The following NDUFA5 variants were observed in gnomAD, a reference collection of about 807,000 sequenced individuals.
NDUFA5 encodes NADH dehydrogenase [ubiquinone] 1 alpha subcomplex subunit 5.
NDUFA5 carries 11 observed loss-of-function variants against 19.8 expected under a neutral mutation model. That is an observed-to-expected ratio of 0.56 (90% CI 0.35 to 0.92). The LOEUF (loss-of-function observed/expected upper bound fraction) is 0.92, where lower values mean the gene tolerates loss of function less well. Ranked by LOEUF, NDUFA5 falls within the 40% of genes least tolerant of loss-of-function variation. The pLI is 0.01. For missense variants in NDUFA5, 109 were observed against 134.2 expected, an observed-to-expected ratio of 0.81 and a Z score of 0.93; for synonymous variants, 47 against 46.8, an observed-to-expected ratio of 1.00 and a Z score of -0.01.
chr7:123,545,011 G>T (rs1396300314), intron 4 of NDUFA5, among the ~76,000 whole-genome samples: 2 of 151,702 alleles, frequency 1.3e-5, no homozygotes, highest in African/African-American at 4.8e-5. Flanking sequence ...TTTCCCAATA[G>T]AATAATTTAA....
chr7:123,561,270 T>A (rs1367213964), upstream of NDUFA5, among the ~76,000 whole-genome samples: 1 of 152,234 alleles, frequency 6.6e-6, no homozygotes, highest in Non-Finnish European at 1.5e-5. Flanking sequence ...CTGCTGCTGC[T>A]TTATCAACCA....
the NDUFA5 span, among the ~76,000 whole-genome samples, chr7:123,570,563 G>A: frequency 0.16 from 23,759 of 152,056 alleles, 2,031 homozygotes; most frequent in African/African-American, 0.21. Flanking sequence ...GGCTTCTGAC[G>A]TCCTCACTCA....
chr7:123,547,096 C>G (rs896621253), intron 3 of NDUFA5, among the ~76,000 whole-genome samples: 2 of 152,136 alleles, frequency 1.3e-5, no homozygotes, highest in East Asian at 3.9e-4. Flanking sequence ...CCACCAGAAG[C>G]TGAAAGAGGC....
At chr7:123,546,672 C>T in intron 3 of NDUFA5, 1 of 1,286,642 alleles carries the variant, frequency 7.8e-7, no homozygotes, top group Non-Finnish European at 1.0e-6. Context: ...TGCTTTTCAA[C>T]ACAAGACGTG....
At chr7:123,594,855 T>A in the NDUFA5 span, among the ~76,000 whole-genome samples, 1 of 152,208 alleles carries the variant, frequency 6.6e-6, no homozygotes, top group Admixed American at 6.5e-5. Context: ...GCAGAAGCTG[T>A]CTGCTGCCTT....
chr7:123,587,995 T>C, the NDUFA5 span, among the ~76,000 whole-genome samples: 1 of 151,844 alleles, frequency 6.6e-6, no homozygotes, highest in Admixed American at 6.6e-5. Context: ...CATGTAATTT[T>C]CTTTCTTATG....
the NDUFA5 span, among the ~76,000 whole-genome samples, chr7:123,583,724 T>C: frequency 6.6e-6 from 1 of 151,922 alleles, no homozygotes; most frequent in Non-Finnish European, 1.5e-5. Context: ...CTTCTGATCC[T>C]TAAGCATAAG....
chr7:123,556,843 C>T (rs776500429), intron 2 of NDUFA5: 6 of 510,866 alleles, frequency 1.2e-5, no homozygotes, highest in South Asian at 5.7e-5. Flanking sequence ...TGACTGAGTG[C>T]ATTCAAGGGT....
the NDUFA5 span, among the ~76,000 whole-genome samples, chr7:123,579,679 G>A: frequency 5.3e-5 from 8 of 152,044 alleles, no homozygotes; most frequent in East Asian, 3.9e-4. Flanking sequence ...GCTCCTGGGA[G>A]TTGAGTTAAT....
chr7:123,600,952 T>G, the NDUFA5 span, among the ~76,000 whole-genome samples: 5 of 152,038 alleles, frequency 3.3e-5, no homozygotes, highest in African/African-American at 1.2e-4. Flanking sequence ...GCAAATCCAA[T>G]GAGGGTTTGT....
the NDUFA5 span, among the ~76,000 whole-genome samples, chr7:123,594,429 G>C: frequency 6.6e-6 from 1 of 152,074 alleles, no homozygotes; most frequent in Non-Finnish European, 1.5e-5. Context: ...ATTTGCCTTT[G>C]GTCTTTGTTG....
the NDUFA5 span, among the ~76,000 whole-genome samples, chr7:123,569,196 C>T: frequency 6.6e-6 from 1 of 152,070 alleles, no homozygotes; most frequent in Non-Finnish European, 1.5e-5. Flanking sequence ...GTCCGGTGGT[C>T]ATGCTAAAGA....
upstream of NDUFA5, among the ~76,000 whole-genome samples, chr7:123,559,384 C>A (rs1239602638): frequency 6.7e-6 from 1 of 149,650 alleles, no homozygotes; most frequent in Non-Finnish European, 1.5e-5. Context: ...TTCCACTGAA[C>A]AATTAAAGAA....
the NDUFA5 span, among the ~76,000 whole-genome samples, chr7:123,568,476 G>A: frequency 2.6e-5 from 4 of 151,136 alleles, no homozygotes; most frequent in Non-Finnish European, 5.9e-5. Flanking sequence ...AGCAGAGATC[G>A]TGCCATTGCA....
the NDUFA5 span, among the ~76,000 whole-genome samples, chr7:123,574,806 T>C: frequency 6.6e-6 from 1 of 152,150 alleles, no homozygotes; most frequent in Non-Finnish European, 1.5e-5. Flanking sequence ...ACAGGCAGCT[T>C]ACACATCTTT....
chr7:123,585,398 C>T, the NDUFA5 span, among the ~76,000 whole-genome samples: 1 of 151,804 alleles, frequency 6.6e-6, no homozygotes. Context: ...CTCAAACTGA[C>T]ACATTACATG....
the NDUFA5 span, among the ~76,000 whole-genome samples, chr7:123,575,211 T>C: frequency 2.0e-5 from 3 of 152,060 alleles, no homozygotes; most frequent in Admixed American, 6.6e-5. Context: ...TGGTTTTCCA[T>C]TTTTTCTAGA....
At chr7:123,566,447 A>G in the NDUFA5 span, among the ~76,000 whole-genome samples, 1 of 152,204 alleles carries the variant, frequency 6.6e-6, no homozygotes, top group East Asian at 1.9e-4. Context: ...TGAGAAATAG[A>G]TTAGTTTAAT....
chr7:123,601,612 A>G, the NDUFA5 span, among the ~76,000 whole-genome samples: 4 of 152,198 alleles, frequency 2.6e-5, no homozygotes, highest in Non-Finnish European at 5.9e-5. Context: ...CACTCCCTGC[A>G]GCTGAATTGG....
Sources: allele counts gnomAD v4.1 joint callset (sites outside exome capture counted in the v4.1 genomes callset), GRCh38; gene constraint gnomAD v4.1.1; transcripts MANE v1.5; gene names NCBI Gene and HGNC (gene_info 2026-07-23, HGNC 2026-07-21).